Variants in CACNA1C observed in about 807,000 individuals in gnomAD.
CACNA1C encodes voltage-dependent L-type calcium channel subunit alpha-1C.
Under a neutral mutation model 229.0 loss-of-function variants are expected in CACNA1C, and 30 were observed. That is an observed-to-expected ratio of 0.13 (90% CI 0.10 to 0.18). The LOEUF is 0.18. Among genes scored for constraint, CACNA1C ranks in the 10% least tolerant of loss-of-function variants. The probability of loss-of-function intolerance (pLI) is 1.00; values close to 1 mark genes in which losing one functional copy is unlikely to be tolerated. For synonymous variants in CACNA1C, 1,114 were observed against 1,132.5 expected (o/e 0.98, Z 0.33); for missense variants, 1,658 against 2,845.0 (o/e 0.58, Z 9.49).
rs112275366 is a variant in CACNA1C at position 2,632,875 on chromosome 12, G to A, written c.3829-1422G>A. Among the ~76,000 whole-genome samples, 169 of 152,244 alleles carry A rather than the reference G, an allele frequency of 1.1e-3. No homozygotes were observed. The highest frequency in any genetic ancestry group is 3.9e-3 in the African/African-American group (161 of 41,530). ...GTCAAGAGCCACATAACACACTCCCGGAGTAGGAGCCCAGCCTTGCCTCTG... is the reference window on the plus strand; with the variant it reads ...GTCAAGAGCCACATAACACACTCCCAGAGTAGGAGCCCAGCCTTGCCTCTG... On this transcript the variant is annotated intron_variant, in intron 29 of 46. Coordinates refer to ENST00000399655, the MANE Select transcript of CACNA1C (RefSeq NM_000719.7). The surrounding 1 kb of genome is among the most constrained non-coding windows in gnomAD (Gnocchi z 4.1).
Position 2,639,329 on chromosome 12 carries a change from A to C in CACNA1C, c.3912+4949A>C, listed in dbSNP as rs990720378. 5.9e-5 allele frequency among the ~76,000 whole-genome samples: 9 copies of C among 152,186 alleles called. No homozygotes were observed. Among genetic ancestry groups the C allele is most frequent in the African/African-American group, 2.2e-4 (9 of 41,444 alleles). On this transcript the variant is annotated intron_variant, in intron 30 of 46. Transcript: ENST00000399655. The surrounding 1 kb of genome is among the most constrained non-coding windows in gnomAD (Gnocchi z 4.2). ...GATTGTTCGTGAAAGTTACTACAGC[A>C]CCAGAAACTGCTCCCTAAACATCCC...
At chr12:2,094,879 T>C (rs1343364500) in intron 1 of CACNA1C, among the ~76,000 whole-genome samples, 2 of 152,192 alleles carry the variant, frequency 1.3e-5, no homozygotes, top group Non-Finnish European at 2.9e-5. Flanking sequence ...CTCTCCTTCA[T>C]TGCTGCAGGC....
intron 3 of CACNA1C, among the ~76,000 whole-genome samples, chr12:2,447,861 T>C (rs1177298719): frequency 1.3e-5 from 2 of 152,008 alleles, no homozygotes; most frequent in Non-Finnish European, 2.9e-5. Flanking sequence ...GGAAAATGGG[T>C]CTAGGGGTTC....
At position 2,677,661 on chromosome 12, in the gene CACNA1C, C is replaced by A. The variant is rs111770231; in HGVS notation, c.4957-72C>A. 4.5e-6 allele frequency: 7 copies of A among 1,542,392 alleles called. No homozygotes were observed. Among genetic ancestry groups the A allele is most frequent in the Non-Finnish European group, 4.4e-6 (5 of 1,137,050 alleles). ...GGCCCTGGAGGGACAGGTCTTGGCC[C>A]GAGGCTGTGGCTGGCTGGGGAGCTT... On this transcript the variant is annotated intron_variant, in intron 40 of 46. Transcript: ENST00000399655. This position sits in a 1 kb window ranked among gnomAD's most constrained non-coding sequence, Gnocchi z 7.4.
chr12:2,532,470 T>C (rs1474961782), intron 9 of CACNA1C, among the ~76,000 whole-genome samples: 1 of 152,242 alleles, frequency 6.6e-6, no homozygotes, highest in Non-Finnish European at 1.5e-5. Context: ...TCCTCTCTGC[T>C]TTCCCCAAAT....
intron 3 of CACNA1C, among the ~76,000 whole-genome samples, chr12:2,353,201 G>A (rs1267865910): frequency 1.3e-5 from 2 of 152,126 alleles, no homozygotes; most frequent in African/African-American, 4.8e-5. Context: ...GTGGCCTCAG[G>A]CTGAGTCTGG....
intron 1 of CACNA1C, among the ~76,000 whole-genome samples, chr12:2,084,842 G>A (rs140016603): frequency 6.6e-6 from 1 of 152,268 alleles, no homozygotes; most frequent in African/African-American, 2.4e-5. Context: ...CCTACCCTAT[G>A]TTTATGCAGT....
chr12:2,641,342 G>A (rs916156101), intron 30 of CACNA1C: 5 of 183,194 alleles, frequency 2.7e-5, no homozygotes, highest in South Asian at 1.8e-4. Flanking sequence ...CAAGCTGACC[G>A]GAACTCCCGG....
chr12:2,691,355 C>A lies in CACNA1C; in HGVS notation c.*156C>A. 4.9e-6 allele frequency: 4 copies of A among 822,898 alleles called. No individual in the cohort carries two copies. The highest frequency in any genetic ancestry group is 6.6e-6 in the Non-Finnish European group (4 of 602,262). The allele number at this position is 822,898 out of a possible 1,614,324, so 51.0% of individuals were successfully genotyped here. A position where few individuals can be genotyped will look rare whatever the true frequency, so the allele number is the denominator to read the frequency against. On this transcript the variant is annotated 3_prime_UTR_variant, in exon 47 of 47. Coordinates refer to ENST00000399655, the MANE Select transcript of CACNA1C (RefSeq NM_000719.7). ...CAGACGCGGAGCCTGGGTGCGCGAG[C>A]CGCCCTCCGGGAGGAAGGCGCCCGG...
intron 3 of CACNA1C, among the ~76,000 whole-genome samples, chr12:2,434,781 G>A (rs1019434132): frequency 4.6e-5 from 7 of 152,174 alleles, no homozygotes; most frequent in African/African-American, 7.2e-5. Flanking sequence ...CCGTCAGGCC[G>A]TAACATTTTC....
At chr12:2,207,850 G>T (rs2097795810) in intron 3 of CACNA1C, among the ~76,000 whole-genome samples, 1 of 151,878 alleles carries the variant, frequency 6.6e-6, no homozygotes. Context: ...AAAACCATGA[G>T]AAATTGGCTA....
chr12:2,490,985 ATCCAGACG>A (rs1178130800), intron 6 of CACNA1C, among the ~76,000 whole-genome samples: 1 of 152,228 alleles, frequency 6.6e-6, no homozygotes, highest in Non-Finnish European at 1.5e-5. Flanking sequence ...CCTGGAAATA[ATCCAGACG>A]TCCATCAGCT....
chr12:2,576,704 AG>A (rs2058515387), intron 13 of CACNA1C, among the ~76,000 whole-genome samples: 1 of 151,744 alleles, frequency 6.6e-6, no homozygotes, highest in African/African-American at 2.4e-5. Context: ...CCACATTAAG[AG>A]GAGGGAGTGT....
Position 2,651,477 on chromosome 12 carries a change from A to T in CACNA1C, c.3946-163A>T. On this transcript the variant is annotated intron_variant, in intron 31 of 46. Coordinates refer to ENST00000399655, the MANE Select transcript of CACNA1C (RefSeq NM_000719.7). The surrounding 1 kb of genome is among the most constrained non-coding windows in gnomAD (Gnocchi z 5.4). Reference sequence around the variant, plus strand: ...CATGGGGCTGGGCTGTCCACTCATTAAAGTGGGCGGCCGCCCTCCCATCGG... The same window carrying T: ...CATGGGGCTGGGCTGTCCACTCATTTAAGTGGGCGGCCGCCCTCCCATCGG... 9 of 957,948 alleles carry T rather than the reference A, an allele frequency of 9.4e-6. No individual in the cohort carries two copies. Among genetic ancestry groups the T allele is most frequent in the South Asian group, 1.5e-5 (1 of 67,070 alleles). 59.3% of individuals were successfully genotyped at this position (957,948 alleles called of 1,614,324 possible).
chr12:2,542,455 T>C (rs942404391), intron 9 of CACNA1C, among the ~76,000 whole-genome samples: 10 of 152,212 alleles, frequency 6.6e-5, no homozygotes, highest in Non-Finnish European at 1.5e-4. Flanking sequence ...ATTGCCCATT[T>C]TTTGTTGACC....
intron 1 of CACNA1C, among the ~76,000 whole-genome samples, chr12:2,086,436 C>T (rs1461513846): frequency 6.6e-6 from 1 of 152,204 alleles, no homozygotes; most frequent in Non-Finnish European, 1.5e-5. Flanking sequence ...TGTTCCAAGT[C>T]ATCCGATTTC....
chr12:2,363,229 C>G (rs1345696184), intron 3 of CACNA1C, among the ~76,000 whole-genome samples: 6 of 152,210 alleles, frequency 3.9e-5, no homozygotes, highest in Admixed American at 2.6e-4. Flanking sequence ...AGGAGACAAG[C>G]TACCTTGGAT....
intron 3 of CACNA1C, among the ~76,000 whole-genome samples, chr12:2,340,800 C>CA (rs34148984): frequency 1.3e-5 from 2 of 151,844 alleles, no homozygotes; most frequent in South Asian, 4.2e-4. Context: ...TCTAAAAATA[C>CA]AAAAAAATTA....
chr12:2,636,439 A>G (rs2092698627), intron 30 of CACNA1C, among the ~76,000 whole-genome samples: 13 of 152,206 alleles, frequency 8.5e-5, no homozygotes, highest in Admixed American at 8.5e-4. Context: ...TCTGTTGGGG[A>G]TAGGGAGGGG....
Sources: gnomAD v4.1 joint callset for allele counts (sites outside exome capture counted in the v4.1 genomes callset) on GRCh38, gnomAD v4.1.1 for gene constraint, Gnocchi (gnomAD v3.1) non-coding constraint, MANE v1.5 for transcripts, NCBI Gene and HGNC (gene_info 2026-07-23, HGNC 2026-07-21) for gene names.